CNTN1: variants seen among roughly 807,000 people sequenced by gnomAD.
CNTN1 encodes contactin-1.
In CNTN1, 38 loss-of-function variants were observed where a neutral mutation model predicts 126.4. That is an observed-to-expected ratio of 0.30 (90% CI 0.23 to 0.39). The LOEUF is 0.39. Ranked by LOEUF, CNTN1 falls within the 10% of genes least tolerant of loss-of-function variation. The pLI, the probability that CNTN1 is intolerant of heterozygous loss-of-function variation, is 1.00. For missense variants in CNTN1, 1,009 were observed against 1,248.4 expected (o/e 0.81, Z 2.89); for synonymous variants, 413 against 422.6 (o/e 0.98, Z 0.28).
intron 23 of CNTN1, among the ~76,000 whole-genome samples, chr12:41,060,723 T>C (rs1016863297): frequency 6.6e-6 from 1 of 152,176 alleles, no homozygotes; most frequent in Non-Finnish European, 1.5e-5. Flanking sequence ...TTGAATGTTA[T>C]TTATAAAATA....
chr12:41,001,408 A>G (rs1486381446), intron 17 of CNTN1, among the ~76,000 whole-genome samples: 1 of 152,016 alleles, frequency 6.6e-6, no homozygotes, highest in African/African-American at 2.4e-5. Flanking sequence ...CTTCTTTTGA[A>G]AAGTGTCTAT....
intron 17 of CNTN1, among the ~76,000 whole-genome samples, chr12:41,008,038 C>G (rs73116977): frequency 3.9e-5 from 6 of 152,128 alleles, no homozygotes; most frequent in Non-Finnish European, 7.3e-5. Context: ...GGAGTGGTAA[C>G]CCTAATTGCT....
At chr12:41,050,883 G>A (rs756885859) in intron 23 of CNTN1, among the ~76,000 whole-genome samples, 4 of 152,216 alleles carry the variant, frequency 2.6e-5, no homozygotes, top group Non-Finnish European at 4.4e-5. Context: ...TACCACTTAT[G>A]AAATTTTAAT....
At chr12:41,028,213 GT>G (rs1274875109) in intron 22 of CNTN1, among the ~76,000 whole-genome samples, 14 of 151,984 alleles carry the variant, frequency 9.2e-5, no homozygotes, top group Non-Finnish European at 5.9e-5. Flanking sequence ...TGTATTTTTA[GT>G]AGAGACAGGG....
chr12:40,914,446 A>T (rs1273650576), intron 3 of CNTN1, among the ~76,000 whole-genome samples: 1 of 152,160 alleles, frequency 6.6e-6, no homozygotes, highest in African/African-American at 2.4e-5. Context: ...GGGCCCAAAT[A>T]TGTTCCTAAA....
chr12:40,783,981 G>T (rs1398189702), intron 1 of CNTN1, among the ~76,000 whole-genome samples: 1 of 152,052 alleles, frequency 6.6e-6, no homozygotes, highest in African/African-American at 2.4e-5. Context: ...TCAGCTAACA[G>T]TAAAGAAAAA....
chr12:40,963,676 T>C (rs980175810), intron 15 of CNTN1, among the ~76,000 whole-genome samples: 8 of 152,124 alleles, frequency 5.3e-5, no homozygotes, highest in African/African-American at 1.9e-4. Flanking sequence ...CAGATGTTTT[T>C]AGGCTTCTGG....
chr12:40,737,384 AGTT>A (rs1937743596), intron 1 of CNTN1, among the ~76,000 whole-genome samples: 1 of 35,762 alleles, frequency 2.8e-5, no homozygotes, highest in Non-Finnish European at 6.7e-5. Context: ...TATATATATG[AGTT>A]TATTAAGTAT....
At chr12:40,739,837 T>G (rs571464300) in intron 1 of CNTN1, among the ~76,000 whole-genome samples, 1 of 152,148 alleles carries the variant, frequency 6.6e-6, no homozygotes, top group South Asian at 2.1e-4. Context: ...AGAAACCATA[T>G]TGAAATAAAC....
At chr12:41,024,128 T>C (rs935806741) in intron 20 of CNTN1, among the ~76,000 whole-genome samples, 2 of 152,184 alleles carry the variant, frequency 1.3e-5, no homozygotes, top group Non-Finnish European at 1.5e-5. Context: ...ACCTCACTTT[T>C]GTGAAGTGAA....
At chr12:40,707,443 G>A (rs150401884) in intron 1 of CNTN1, among the ~76,000 whole-genome samples, 3,199 of 151,502 alleles carry the variant, frequency 0.021, 109 homozygotes, top group African/African-American at 0.074. Context: ...TAGTAGAGAC[G>A]GGGTTTCACT....
chr12:40,797,903 A>G (rs1296124486), intron 1 of CNTN1, among the ~76,000 whole-genome samples: 1 of 152,040 alleles, frequency 6.6e-6, no homozygotes, highest in African/African-American at 2.4e-5. Flanking sequence ...GAGAACTGGA[A>G]GATGATCCCA....
chr12:40,727,173 G>A lies in CNTN1; in HGVS notation c.-77+34581G>A, dbSNP rs558681766. On this transcript the variant is annotated intron_variant, in intron 1 of 23. Coordinates refer to ENST00000551295, the MANE Select transcript of CNTN1 (RefSeq NM_001843.4). Reference sequence around the variant, plus strand: ...ATGATTACACTTCTTCAAGGACAGTGTCAAAAAAGGAAAAACAATACAAAA... The same window carrying A: ...ATGATTACACTTCTTCAAGGACAGTATCAAAAAAGGAAAAACAATACAAAA... Among the ~76,000 whole-genome samples, 81 of 151,306 alleles carry A rather than the reference G, an allele frequency of 5.4e-4. 2 individuals are homozygous for A. The South Asian group carries it at 0.016, about 30-fold the overall frequency.
intron 1 of CNTN1, among the ~76,000 whole-genome samples, chr12:40,898,711 G>T (rs1345052): frequency 7.9e-5 from 12 of 152,058 alleles, no homozygotes; most frequent in African/African-American, 2.9e-4. Context: ...TACCTTCCAT[G>T]TTGACGTCTC....
chr12:40,769,574 A>G (rs1307576254), intron 1 of CNTN1, among the ~76,000 whole-genome samples: 2 of 152,230 alleles, frequency 1.3e-5, no homozygotes, highest in Non-Finnish European at 2.9e-5. Context: ...AGAGGAAACA[A>G]CCAGCAATGT....
intron 1 of CNTN1, among the ~76,000 whole-genome samples, chr12:40,716,687 C>T (rs777974060): frequency 1.7e-4 from 26 of 152,234 alleles, no homozygotes; most frequent in Non-Finnish European, 3.5e-4. Context: ...AATTTGGCAA[C>T]AATTATTACT....
intron 1 of CNTN1, among the ~76,000 whole-genome samples, chr12:40,796,277 T>C (rs570914004): frequency 6.6e-6 from 1 of 152,054 alleles, no homozygotes; most frequent in African/African-American, 2.4e-5. Context: ...AAAGCAATCA[T>C]GGTATTTCAA....
intron 15 of CNTN1, among the ~76,000 whole-genome samples, chr12:40,960,658 A>C (rs945561624): frequency 2.6e-5 from 4 of 152,284 alleles, no homozygotes; most frequent in African/African-American, 9.6e-5. Flanking sequence ...GAATAATAAC[A>C]AATAAAAATG....
intron 1 of CNTN1, among the ~76,000 whole-genome samples, chr12:40,836,673 T>C (rs1358565453): frequency 2.0e-5 from 3 of 152,208 alleles, no homozygotes; most frequent in Admixed American, 6.5e-5. Flanking sequence ...AGGATAGTTT[T>C]TAAACTATTT....
Sources: allele counts gnomAD v4.1 joint callset (sites outside exome capture counted in the v4.1 genomes callset), GRCh38; gene constraint gnomAD v4.1.1; transcripts MANE v1.5; gene names NCBI Gene and HGNC (gene_info 2026-07-23, HGNC 2026-07-21).